The following PARD3 variants were observed in gnomAD, a reference collection of about 807,000 sequenced individuals.
The protein encoded by PARD3 is partitioning defective 3 homolog.
Under a neutral mutation model 155.4 loss-of-function variants are expected in PARD3, and 75 were observed. The observed-to-expected ratio is 0.48, with a 90% CI of 0.40 to 0.58. PARD3 has a LOEUF of 0.58. Ranked by LOEUF, PARD3 falls within the 20% of genes least tolerant of loss-of-function variation. The pLI is 0.00. For synonymous variants in PARD3, 576 were observed against 610.5 expected (o/e 0.94, Z 0.83); for missense variants, 1,642 against 1,721.7 (o/e 0.95, Z 0.82).
chr10:34,307,354 C>T (rs1055845825), intron 20 of PARD3, among the ~76,000 whole-genome samples: 4 of 151,982 alleles, frequency 2.6e-5, no homozygotes, highest in Non-Finnish European at 4.4e-5. Context: ...GGGATGTTAC[C>T]GAGCCTGTGA....
intron 2 of PARD3, among the ~76,000 whole-genome samples, chr10:34,642,562 C>A (rs2092712267): frequency 1.3e-5 from 2 of 152,102 alleles, no homozygotes; most frequent in African/African-American, 4.8e-5. Context: ...ATTACCTGCA[C>A]AAACTGCAAT....
At chr10:34,628,124 T>C (rs1471142114) in intron 2 of PARD3, among the ~76,000 whole-genome samples, 1 of 152,232 alleles carries the variant, frequency 6.6e-6, no homozygotes, top group African/African-American at 2.4e-5. Context: ...GTGGGAATAC[T>C]TTCCAAACTC....
chr10:34,187,749 G>C (rs1950548228), intron 22 of PARD3, among the ~76,000 whole-genome samples: 1 of 152,206 alleles, frequency 6.6e-6, no homozygotes, highest in Non-Finnish European at 1.5e-5. Context: ...ACTGAATGGA[G>C]ATCAGTAACA....
At chr10:34,367,287 T>C (rs1165718264) in intron 12 of PARD3, among the ~76,000 whole-genome samples, 1 of 152,230 alleles carries the variant, frequency 6.6e-6, no homozygotes, top group Non-Finnish European at 1.5e-5. Flanking sequence ...AGGACCAAAT[T>C]CTATTCATAC....
intron 20 of PARD3, among the ~76,000 whole-genome samples, chr10:34,308,377 TG>T (rs1330298881): frequency 6.6e-6 from 1 of 152,174 alleles, no homozygotes; most frequent in African/African-American, 2.4e-5. Context: ...CTTGGACCAC[TG>T]GGGCACAGTA....
Position 34,119,603 on chromosome 10 carries a change from G to A in PARD3, c.3668+10C>T, listed in dbSNP as rs761636743. 5.0e-6 allele frequency: 8 copies of A among 1,591,534 alleles called. No homozygotes were observed. The highest frequency in any genetic ancestry group is 1.7e-5 in the Admixed American group (1 of 59,266). On this transcript the variant is annotated intron_variant, in intron 24 of 24. Transcript: ENST00000374788. ...GGGGGATCTGGAGGCTCGGCCAAGCGTCCTCATACCGAGGCAGAGAGCTGT... is the reference window on the plus strand; with the variant it reads ...GGGGGATCTGGAGGCTCGGCCAAGCATCCTCATACCGAGGCAGAGAGCTGT...
At position 34,736,653 on chromosome 10, in the gene PARD3, A is replaced by AATTT. The variant is rs71033344; in HGVS notation, c.121-40238_121-40235dup. On this transcript the variant is annotated intron_variant, in intron 1 of 24. Transcript: ENST00000374788. ...AAATAGGTTACTTTATTAATTAATTAATTTATTTATTTATTTATTTATTTA... is the reference window on the plus strand; with the variant it reads ...AAATAGGTTACTTTATTAATTAATTAATTTATTTATTTATTTATTTATTTATTTA... Among the ~76,000 whole-genome samples the AATTT allele has an allele frequency of 3.1e-3, 447 of 146,346 alleles. 2 individuals are homozygous for AATTT. Among genetic ancestry groups the AATTT allele is most frequent in the African/African-American group, 8.6e-3 (328 of 38,170 alleles).
intron 22 of PARD3, among the ~76,000 whole-genome samples, chr10:34,224,318 G>A (rs1564496542): frequency 6.6e-6 from 1 of 152,216 alleles, no homozygotes; most frequent in Admixed American, 6.5e-5. Flanking sequence ...ACAAGATTTT[G>A]CAGAGGTACA....
At chr10:34,508,520 C>T (rs530192625) in intron 3 of PARD3, among the ~76,000 whole-genome samples, 21 of 151,666 alleles carry the variant, frequency 1.4e-4, no homozygotes, top group Non-Finnish European at 2.6e-4. Flanking sequence ...CTGACTTCTA[C>T]AAAAAGTCCT....
chr10:34,435,429 A>G (rs1395102995), intron 5 of PARD3, among the ~76,000 whole-genome samples: 1 of 152,230 alleles, frequency 6.6e-6, no homozygotes, highest in African/African-American at 2.4e-5. Context: ...TGGAACAATG[A>G]AAGAAAGAGA....
chr10:34,794,643 C>T (rs1229511860), intron 1 of PARD3, among the ~76,000 whole-genome samples: 2 of 152,200 alleles, frequency 1.3e-5, no homozygotes, highest in African/African-American at 2.4e-5. Flanking sequence ...CTTTGAACCT[C>T]TTAGAAGATG....
In PARD3 at chr10:34,211,128, G is replaced by A. The variant is rs137950173; in HGVS notation, c.3419+58529C>T. 2.4e-4 allele frequency among the ~76,000 whole-genome samples: 36 copies of A among 152,264 alleles called. 1 individual carries two copies. Among genetic ancestry groups the A allele is most frequent in the East Asian group, 1.9e-3 (10 of 5,176 alleles). ...TCAGCCTGTGACAGGCTCATGAAACGCACCGATAAACATTCGCTCTCTTCC... is the reference window on the plus strand; with the variant it reads ...TCAGCCTGTGACAGGCTCATGAAACACACCGATAAACATTCGCTCTCTTCC... On this transcript the variant is annotated intron_variant, in intron 22 of 24. Transcript: ENST00000374788.
intron 1 of PARD3, among the ~76,000 whole-genome samples, chr10:34,729,593 G>T (rs1161849060): frequency 6.6e-6 from 1 of 151,698 alleles, no homozygotes; most frequent in Non-Finnish European, 1.5e-5. Context: ...GTGAGAATTT[G>T]AAGGATTCTA....
intron 3 of PARD3, among the ~76,000 whole-genome samples, chr10:34,514,243 G>A (rs2081572368): frequency 6.6e-6 from 1 of 152,114 alleles, no homozygotes; most frequent in South Asian, 2.1e-4. Context: ...CCTTCTTTAA[G>A]GCAAAAATTA....
At chr10:34,773,617 C>T (rs1306234341) in intron 1 of PARD3, among the ~76,000 whole-genome samples, 1 of 152,136 alleles carries the variant, frequency 6.6e-6, no homozygotes, top group South Asian at 2.1e-4. Context: ...GACTTTGCAG[C>T]GTCAGGTATG....
intron 22 of PARD3, among the ~76,000 whole-genome samples, chr10:34,179,771 A>C (rs890769096): frequency 2.6e-5 from 4 of 152,218 alleles, no homozygotes; most frequent in African/African-American, 9.6e-5. Flanking sequence ...TAAAATAATC[A>C]CAATATACAC....
intron 3 of PARD3, among the ~76,000 whole-genome samples, chr10:34,479,915 C>T (rs1169700519): frequency 6.6e-6 from 1 of 152,294 alleles, no homozygotes; most frequent in East Asian, 1.9e-4. Context: ...TAAGGAATGA[C>T]AACAAAGGGT....
intron 1 of PARD3, among the ~76,000 whole-genome samples, chr10:34,754,754 C>A (rs1257319101): frequency 6.6e-6 from 1 of 152,200 alleles, no homozygotes; most frequent in East Asian, 1.9e-4. Context: ...TACAGACAAT[C>A]CCCTGACTTA....
intron 22 of PARD3, among the ~76,000 whole-genome samples, chr10:34,193,353 G>GC (rs1266329559): frequency 6.6e-6 from 1 of 152,062 alleles, no homozygotes; most frequent in Non-Finnish European, 1.5e-5. Flanking sequence ...AACAAACAGT[G>GC]CATTTTTTCC....
Sources: allele counts gnomAD v4.1 joint callset (sites outside exome capture counted in the v4.1 genomes callset), GRCh38; gene constraint gnomAD v4.1.1; transcripts MANE v1.5; gene names NCBI Gene and HGNC (gene_info 2026-07-23, HGNC 2026-07-21).